The following USP13 variants were observed in gnomAD, a reference collection of about 807,000 sequenced individuals.
USP13 encodes ubiquitin specific peptidase 13.
Under a neutral mutation model 107.8 loss-of-function variants are expected in USP13, and 68 were observed. The observed-to-expected ratio is 0.63, with a 90% CI of 0.52 to 0.77. USP13 has a LOEUF of 0.77. USP13 is among the 30% of genes least tolerant of loss of function. USP13 has a pLI of 0.00. For missense variants in USP13, 945 were observed against 1,093.3 expected (o/e 0.86, Z 1.91); for synonymous variants, 377 against 389.5 (o/e 0.97, Z 0.38).
At chr3:179,752,263 T>C in intron 13 of USP13, 22 bp from the exon 14 acceptor site, 2 of 1,601,544 alleles carry the variant, frequency 1.2e-6, no homozygotes, top group Non-Finnish European at 1.7e-6. Context: ...GTTTCATTGA[T>C]ATATCCCCTT....
chr3:179,709,622 C>T (rs545880901), intron 6 of USP13, among the ~76,000 whole-genome samples: 2 of 152,278 alleles, frequency 1.3e-5, no homozygotes, highest in African/African-American at 2.4e-5. Context: ...TACCTTCTAC[C>T]ATTTTGCGAG....
At chr3:179,734,973 A>C (rs1219122809) in intron 10 of USP13, among the ~76,000 whole-genome samples, 1 of 152,216 alleles carries the variant, frequency 6.6e-6, no homozygotes, top group Non-Finnish European at 1.5e-5. Context: ...GCACTCTGTT[A>C]AACAGAAAGT....
At chr3:179,738,904 G>A (rs1289488411) in intron 10 of USP13, among the ~76,000 whole-genome samples, 1 of 152,182 alleles carries the variant, frequency 6.6e-6, no homozygotes, top group East Asian at 1.9e-4. Context: ...ACCCGCTGCT[G>A]GCCCCTCCAT....
chr3:179,665,321 A>C (rs1720556308), intron 1 of USP13, among the ~76,000 whole-genome samples: 1 of 152,204 alleles, frequency 6.6e-6, no homozygotes, highest in Non-Finnish European at 1.5e-5. Flanking sequence ...TAACCGCTTG[A>C]GCTAACTCCA....
At chr3:179,772,216 AACTTT>A (rs1190255279) in intron 19 of USP13, among the ~76,000 whole-genome samples, 1 of 152,242 alleles carries the variant, frequency 6.6e-6, no homozygotes, top group Non-Finnish European at 1.5e-5. Context: ...AGTTTTTTAA[AACTTT>A]AAAGCTAGAA....
chr3:179,681,753 A>G (rs1711661461), intron 1 of USP13, 125 bp from the exon 2 acceptor site: 1 of 1,229,872 alleles, frequency 8.1e-7, no homozygotes, highest in Non-Finnish European at 1.1e-6. Flanking sequence ...GTATCACAGC[A>G]GGAGCCTCGG....
chr3:179,747,382 A>C (rs775867265), intron 13 of USP13, among the ~76,000 whole-genome samples: 2 of 152,104 alleles, frequency 1.3e-5, no homozygotes, highest in Non-Finnish European at 2.9e-5. Flanking sequence ...TTGGAGGTGG[A>C]AGGTGATTGT....
rs930303542 is a variant in USP13, at chr3:179,653,686, G to A, written c.168+293G>A. On this transcript the variant is annotated intron_variant, in intron 1 of 20. Transcript: ENST00000263966. This position sits in a 1 kb window ranked among gnomAD's most constrained non-coding sequence, Gnocchi z 4.0. Reference sequence around the variant, plus strand: ...GTTTAAAGATAGATGAAATACAAGAGTTCCCTGTTCCGAACTGCACGTTGC... The same window carrying A: ...GTTTAAAGATAGATGAAATACAAGAATTCCCTGTTCCGAACTGCACGTTGC... 3.4e-5 allele frequency: 13 copies of A among 383,818 alleles called. No homozygotes were observed. Among genetic ancestry groups the A allele is most frequent in the African/African-American group, 2.7e-4 (13 of 47,296 alleles). 23.8% of individuals were successfully genotyped at this position (383,818 alleles called of 1,614,324 possible).
intron 2 of USP13, among the ~76,000 whole-genome samples, chr3:179,687,033 A>AT (rs1017609380): frequency 6.6e-6 from 1 of 152,112 alleles, no homozygotes; most frequent in African/African-American, 2.4e-5. Context: ...CATCAGGGTT[A>AT]TCCATATTTT....
chr3:179,734,162 C>CT lies in USP13; in HGVS notation c.1254+3458dup, dbSNP rs200935390. ...TGCTATAAACCAAGGTTAAATCTAG[C>CT]TTTTTATATATGCATGCTTAATAAA... On this transcript the variant is annotated intron_variant, in intron 10 of 20. Coordinates refer to ENST00000263966, the MANE Select transcript of USP13 (RefSeq NM_003940.3). Among the ~76,000 whole-genome samples the CT allele has an allele frequency of 9.8e-3, 1,488 of 152,268 alleles. 30 individuals are homozygous for CT. Among genetic ancestry groups the CT allele is most frequent in the African/African-American group, 0.034 (1,420 of 41,540 alleles).
chr3:179,654,336 G>A (rs1327646959), intron 1 of USP13, among the ~76,000 whole-genome samples: 2 of 151,924 alleles, frequency 1.3e-5, no homozygotes, highest in Non-Finnish European at 2.9e-5. Context: ...CCTTCTAAAT[G>A]AGTCACTTGG....
chr3:179,677,789 G>T (rs1280128937), intron 1 of USP13, among the ~76,000 whole-genome samples: 4 of 151,972 alleles, frequency 2.6e-5, no homozygotes, highest in Admixed American at 6.6e-5. Context: ...TCTACTAGTT[G>T]CCTAGTGTTT....
chr3:179,769,973 T>C (rs374898568), intron 19 of USP13, among the ~76,000 whole-genome samples: 1 of 152,208 alleles, frequency 6.6e-6, no homozygotes, highest in Non-Finnish European at 1.5e-5. Context: ...ATCACGTGAC[T>C]CTCCACAAAC....
intron 13 of USP13, among the ~76,000 whole-genome samples, chr3:179,747,675 C>T (rs1474096814): frequency 6.6e-6 from 1 of 152,126 alleles, no homozygotes; most frequent in African/African-American, 2.4e-5. Flanking sequence ...GGCTAGTGGT[C>T]AGGAGACCTG....
chr3:179,726,401 G>A (rs182377457), intron 8 of USP13, among the ~76,000 whole-genome samples: 1 of 152,344 alleles, frequency 6.6e-6, no homozygotes, highest in East Asian at 1.9e-4. Flanking sequence ...TCTTCCTAGA[G>A]CTTTCAGGCG....
At chr3:179,774,518 G>A (rs745624230) in intron 19 of USP13, among the ~76,000 whole-genome samples, 2 of 151,684 alleles carry the variant, frequency 1.3e-5, no homozygotes, top group Non-Finnish European at 2.9e-5. Context: ...AGCACGTCTG[G>A]AGTTGTTCGT....
intron 1 of USP13, among the ~76,000 whole-genome samples, chr3:179,655,548 G>GTTTTTTTTTTTTTTTTTTT (rs150977876): frequency 8.4e-5 from 11 of 131,418 alleles, no homozygotes; most frequent in South Asian, 2.4e-4. Flanking sequence ...TAATGGGAAG[G>GTTTTTTTTTTTTTTTTTTT]TTTTTTTTGT....
In USP13 at chr3:179,771,591, T is replaced by C. The variant is rs574165951; in HGVS notation, c.2413+5743T>C. On this transcript the variant is annotated intron_variant, in intron 19 of 20. Transcript: ENST00000263966. Reference sequence around the variant, plus strand: ...TAACAGGACATCCAGGTGATTCTGATGCAGCTTAAACTTGAGAATTACCAC... The same window carrying C: ...TAACAGGACATCCAGGTGATTCTGACGCAGCTTAAACTTGAGAATTACCAC... Among the ~76,000 whole-genome samples, 168 of 152,346 alleles carry C rather than the reference T, an allele frequency of 1.1e-3. 3 individuals carry two copies. The highest frequency in any genetic ancestry group is 3.9e-3 in the African/African-American group (161 of 41,584).
chr3:179,736,430 G>A (rs1371583475), intron 10 of USP13, among the ~76,000 whole-genome samples: 6 of 152,170 alleles, frequency 3.9e-5, no homozygotes, highest in Admixed American at 2.6e-4. Flanking sequence ...ATGGGGATGG[G>A]TGTTAGCAGA....
Sources: allele counts gnomAD v4.1 joint callset (sites outside exome capture counted in the v4.1 genomes callset), GRCh38; gene constraint gnomAD v4.1.1; non-coding constraint Gnocchi (gnomAD v3.1); transcripts MANE v1.5; gene names NCBI Gene and HGNC (gene_info 2026-07-23, HGNC 2026-07-21).